CARS2: variants seen among roughly 807,000 people sequenced by gnomAD.
The protein encoded by CARS2 is cysteinyl-tRNA synthetase 2, mitochondrial.
CARS2 carries 52 observed loss-of-function variants against 68.8 expected under a neutral mutation model. That is an observed-to-expected ratio of 0.76 (90% confidence interval 0.61 to 0.95). The LOEUF (loss-of-function observed/expected upper bound fraction) is 0.95, where lower values mean the gene tolerates loss of function less well. CARS2 is among the 40% of genes least tolerant of loss of function. CARS2 has a pLI of 0.00. For missense variants in CARS2, 780 were observed against 754.2 expected (o/e 1.03, Z -0.40); for synonymous variants, 314 against 303.6 (o/e 1.03, Z -0.36).
At chr13:110,643,824 A>G (rs548969113) in intron 13 of CARS2, 5 of 219,620 alleles carry the variant, frequency 2.3e-5, no homozygotes, top group Admixed American at 1.0e-4. Flanking sequence ...GGAAGAGGAC[A>G]TTTTCATAGG....
intron 8 of CARS2, chr13:110,666,102 G>A (rs1385327693): frequency 2.0e-6 from 2 of 985,374 alleles, no homozygotes; most frequent in East Asian, 2.3e-4. Context: ...CCACGGAAGA[G>A]AGACCTCCTT....
intron 4 of CARS2, 44 bp downstream of exon 4, chr13:110,687,903 C>T (rs201369006): frequency 5.7e-6 from 9 of 1,568,750 alleles, no homozygotes; most frequent in South Asian, 1.1e-5. Flanking sequence ...TCATTGCTCA[C>T]GCCTGTCACC....
At chr13:110,682,951 C>T (rs1228926687) in intron 6 of CARS2, 100 bp downstream of exon 6, 5 of 683,604 alleles carry the variant, frequency 7.3e-6, no homozygotes, top group Non-Finnish European at 1.2e-5. Context: ...AGGCCAGTGT[C>T]TGAGCAAGTG....
intron 5 of CARS2, among the ~76,000 whole-genome samples, chr13:110,686,016 A>G (rs913764683): frequency 2.0e-5 from 3 of 150,234 alleles, no homozygotes; most frequent in African/African-American, 7.5e-5. Flanking sequence ...AAGAGAAAAA[A>G]AGAAAAAAAG....
chr13:110,666,826 T>G (rs930081608), intron 8 of CARS2: 1 of 985,434 alleles, frequency 1.0e-6, no homozygotes, highest in Non-Finnish European at 1.2e-6. Context: ...CCCTGTAAAC[T>G]TGGAAATACG....
intron 7 of CARS2, among the ~76,000 whole-genome samples, chr13:110,674,558 C>T (rs1178437640): frequency 6.6e-6 from 1 of 151,948 alleles, no homozygotes; most frequent in Non-Finnish European, 1.5e-5. Context: ...AAAATTAATT[C>T]AAGATGGATT....
At chr13:110,712,396 C>T (rs1003754536) in intron 1 of CARS2, 3 of 176,614 alleles carry the variant, frequency 1.7e-5, no homozygotes, top group African/African-American at 7.2e-5. Flanking sequence ...CTCTCGGGGC[C>T]ACCCCGGAGG....
At chr13:110,700,399 G>A (rs1454730632) in intron 3 of CARS2, among the ~76,000 whole-genome samples, 2 of 152,176 alleles carry the variant, frequency 1.3e-5, no homozygotes, top group African/African-American at 2.4e-5. Flanking sequence ...GGGCTGTGCG[G>A]GCCTCGAGAG....
At chr13:110,683,329 G>A (rs2063209120) in intron 5 of CARS2, among the ~76,000 whole-genome samples, 195 bp from the exon 6 acceptor site, 1 of 152,210 alleles carries the variant, frequency 6.6e-6, no homozygotes, top group Non-Finnish European at 1.5e-5. Flanking sequence ...TACAATCACA[G>A]CTCACGATAG....
In CARS2 at chr13:110,677,029, A is replaced by T; in HGVS notation, c.730T>A (p.Ser244Thr). 1 of 1,606,308 alleles carries T rather than the reference A, an allele frequency of 6.2e-7. No homozygotes were observed. The highest frequency in any genetic ancestry group is 8.5e-7 in the Non-Finnish European group (1 of 1,174,208). The change falls in exon 7 of 15, where the codon TCT becomes ACT. Residue 244 changes from serine (S) to threonine (T), a missense_variant. Physicochemically the swap from Ser to Thr is moderately conservative, Grantham distance 58 (BLOSUM62 1). Transcript: ENST00000257347. Reference sequence around the variant, plus strand: ...CCCGGCCTCCCGGGTCCCCAGGGAGAGGCCCAGAACACCTCCTGGGGTTTG... The same window carrying T: ...CCCGGCCTCCCGGGTCCCCAGGGAGTGGCCCAGAACACCTCCTGGGGTTTG... ...AAKPQEVFWA[S>T]PWGPGRPGWH...
chr13:110,687,433 G>A (rs574529714), intron 5 of CARS2, among the ~76,000 whole-genome samples: 1 of 152,230 alleles, frequency 6.6e-6, no homozygotes, highest in Non-Finnish European at 1.5e-5. Context: ...ACTTTGGGAG[G>A]CTGAGGCAGG....
intron 9 of CARS2, among the ~76,000 whole-genome samples, chr13:110,656,611 G>A (rs771591293): frequency 1.4e-4 from 21 of 152,172 alleles, no homozygotes; most frequent in Non-Finnish European, 2.1e-4. Flanking sequence ...GAGGCCGGGC[G>A]TGGTGGCTCA....
At chr13:110,655,433 C>A (rs1291490640) in intron 9 of CARS2, among the ~76,000 whole-genome samples, 1 of 152,238 alleles carries the variant, frequency 6.6e-6, no homozygotes, top group Non-Finnish European at 1.5e-5. Context: ...CACTGGACTA[C>A]ACAGCCATTC....
intron 9 of CARS2, chr13:110,662,821 C>T (rs2139745554): frequency 6.1e-6 from 2 of 326,700 alleles, no homozygotes; most frequent in East Asian, 8.1e-5. Flanking sequence ...CACTGGTTTG[C>T]TATTTAGGCG....
At chr13:110,660,331 T>A (rs1174101140) in intron 9 of CARS2, among the ~76,000 whole-genome samples, 1 of 152,204 alleles carries the variant, frequency 6.6e-6, no homozygotes, top group Non-Finnish European at 1.5e-5. Flanking sequence ...CTGTTAATGT[T>A]AATATTTTGA....
chr13:110,697,252 G>A (rs1037998963), intron 3 of CARS2, among the ~76,000 whole-genome samples: 5 of 152,182 alleles, frequency 3.3e-5, no homozygotes, highest in Non-Finnish European at 2.9e-5. Flanking sequence ...AGACATTCAC[G>A]CACAGCCTTA....
intron 9 of CARS2, among the ~76,000 whole-genome samples, chr13:110,661,295 C>T (rs1431062688): frequency 1.3e-5 from 2 of 152,228 alleles, no homozygotes; most frequent in African/African-American, 2.4e-5. Context: ...CCACCTTCAT[C>T]ACTTATTTTA....
chr13:110,712,945 G>A, intron 1 of CARS2: 1 of 1,559,210 alleles, frequency 6.4e-7, no homozygotes. Flanking sequence ...AGCCGCCTAG[G>A]CTGCTGGGAG....
intron 3 of CARS2, among the ~76,000 whole-genome samples, chr13:110,697,494 G>A (rs1465342217): frequency 5.3e-5 from 8 of 152,246 alleles, no homozygotes; most frequent in Admixed American, 3.3e-4. Context: ...CCAGGCTGGA[G>A]TGCAGTGGCA....
Sources: gnomAD v4.1 joint callset for allele counts (sites outside exome capture counted in the v4.1 genomes callset) on GRCh38, gnomAD v4.1.1 for gene constraint, MANE v1.5 for transcripts, NCBI Gene and HGNC (gene_info 2026-07-23, HGNC 2026-07-21) for gene names.